The following AGBL1 variants were observed in gnomAD, a reference collection of about 807,000 sequenced individuals.
AGBL1 encodes cytosolic carboxypeptidase 4.
Under a neutral mutation model 118.9 loss-of-function variants are expected in AGBL1, and 130 were observed. That is an observed-to-expected ratio of 1.09 (90% CI 0.95 to 1.26). The LOEUF is 1.26. Ranked by LOEUF, AGBL1 falls within the 50% of genes most tolerant of loss-of-function variation. The pLI, the probability that AGBL1 is intolerant of heterozygous loss-of-function variation, is 0.00. For missense variants in AGBL1, 1,584 were observed against 1,298.1 expected (o/e 1.22, Z -3.38); for synonymous variants, 555 against 478.9 (o/e 1.16, Z -2.08).
intron 4 of AGBL1, among the ~76,000 whole-genome samples, chr15:86,158,483 G>A (rs541883652): frequency 1.3e-5 from 2 of 152,306 alleles, no homozygotes; most frequent in African/African-American, 4.8e-5. Flanking sequence ...CATGAGCAGA[G>A]CTCTACCTAA....
chr15:86,335,147 T>G (rs1182744381), intron 17 of AGBL1, among the ~76,000 whole-genome samples: 1 of 152,034 alleles, frequency 6.6e-6, no homozygotes, highest in African/African-American at 2.4e-5. Context: ...AGTTATTTTT[T>G]TTTTTTTTGA....
At chr15:86,575,528 A>G (rs920600600) in intron 21 of AGBL1, among the ~76,000 whole-genome samples, 1 of 152,166 alleles carries the variant, frequency 6.6e-6, no homozygotes, top group African/African-American at 2.4e-5. Context: ...ATAAATAAAA[A>G]TTTGAAAATA....
chr15:86,475,649 G>A (rs113295036), intron 18 of AGBL1, among the ~76,000 whole-genome samples: 6 of 152,070 alleles, frequency 3.9e-5, no homozygotes, highest in South Asian at 2.1e-4. Context: ...GAAAACACTC[G>A]GCAGGATATT....
intron 18 of AGBL1, among the ~76,000 whole-genome samples, chr15:86,518,719 C>T (rs1235138787): frequency 6.6e-6 from 1 of 151,854 alleles, no homozygotes; most frequent in Non-Finnish European, 1.5e-5. Flanking sequence ...TATGAAATTC[C>T]CACCTAAAAA....
Position 86,613,118 on chromosome 15 carries a change from G to A in AGBL1, c.2994+58581G>A, listed in dbSNP as rs1168076537. ...TGTTCTCAGGACCACCTGAGGCTGT[G>A]TTACAGGCCATGGTTCTTAACCGTG... On this transcript the variant is annotated intron_variant, in intron 21 of 22. Transcript: ENST00000614907. The surrounding 1 kb of genome is among the most constrained non-coding windows in gnomAD (Gnocchi z 4.2). Among the ~76,000 whole-genome samples, 1 of 152,218 alleles carries A rather than the reference G, an allele frequency of 6.6e-6. No homozygotes were observed. Among genetic ancestry groups the A allele is most frequent in the Non-Finnish European group, 1.5e-5 (1 of 68,038 alleles).
At chr15:86,832,395 C>T (rs1467202635) in intron 22 of AGBL1, among the ~76,000 whole-genome samples, 2 of 152,144 alleles carry the variant, frequency 1.3e-5, no homozygotes, top group Admixed American at 1.3e-4. Context: ...ACATAAGTTC[C>T]AATTCCAACC....
Position 86,520,382 on chromosome 15 carries a change from C to A in AGBL1, c.2556-2428C>A, listed in dbSNP as rs117961542. Among the ~76,000 whole-genome samples, 5 of 152,294 alleles carry A rather than the reference C, an allele frequency of 3.3e-5. No homozygotes were observed. The East Asian group carries it at 9.6e-4, about 29-fold the overall frequency. ...TATTTCACACATGAGAATGTTGACT[C>A]TCAAAGAGGTCTCAAATCCTATATC... On this transcript the variant is annotated intron_variant, in intron 18 of 22. Coordinates refer to ENST00000614907, the MANE Select transcript of AGBL1 (RefSeq NM_001386094.1).
chr15:86,441,366 C>CA (rs1046824527), intron 18 of AGBL1, among the ~76,000 whole-genome samples: 6 of 151,800 alleles, frequency 4.0e-5, no homozygotes, highest in Admixed American at 1.3e-4. Context: ...CTATGGAAAA[C>CA]AAAAAAAATT....
intron 17 of AGBL1, among the ~76,000 whole-genome samples, chr15:86,334,620 A>G (rs1423483434): frequency 6.6e-6 from 1 of 151,916 alleles, no homozygotes; most frequent in East Asian, 1.9e-4. Context: ...TTCCTATCAA[A>G]CTACTAATGT....
At chr15:86,316,510 C>T (rs757197268) in intron 17 of AGBL1, among the ~76,000 whole-genome samples, 4 of 152,172 alleles carry the variant, frequency 2.6e-5, no homozygotes, top group Non-Finnish European at 5.9e-5. Flanking sequence ...ATTTGAACAT[C>T]TGTCTCCTCC....
chr15:86,956,556 G>A (rs1027531504), intron 23 of AGBL1, among the ~76,000 whole-genome samples: 1 of 152,118 alleles, frequency 6.6e-6, no homozygotes. Flanking sequence ...TTCCTTCTTT[G>A]GGAAACATCT....
chr15:86,717,901 A>T (rs2086661643), intron 22 of AGBL1, among the ~76,000 whole-genome samples: 1 of 152,224 alleles, frequency 6.6e-6, no homozygotes, highest in South Asian at 2.1e-4. Flanking sequence ...AACATGGTGA[A>T]ACCCCGTCTC....
At chr15:86,101,410 T>C (rs910737293) in intron 1 of AGBL1, among the ~76,000 whole-genome samples, 1 of 152,050 alleles carries the variant, frequency 6.6e-6, no homozygotes, top group Non-Finnish European at 1.5e-5. Flanking sequence ...AATGGTTTTT[T>C]TTTTTGTTGT....
chr15:86,855,256 AC>A (rs2079461595), intron 22 of AGBL1, among the ~76,000 whole-genome samples: 1 of 152,262 alleles, frequency 6.6e-6, no homozygotes, highest in Non-Finnish European at 1.5e-5. Flanking sequence ...TATGTGTGAA[AC>A]ACAGGGGGAG....
chr15:86,625,216 G>T (rs1468426626), intron 21 of AGBL1, among the ~76,000 whole-genome samples: 1 of 152,078 alleles, frequency 6.6e-6, no homozygotes, highest in Non-Finnish European at 1.5e-5. Flanking sequence ...CCACAGAGAT[G>T]GGCCTCAGTT....
intron 24 of AGBL1, among the ~76,000 whole-genome samples, chr15:87,018,766 A>G (rs1250019108): frequency 1.3e-5 from 2 of 152,196 alleles, no homozygotes; most frequent in East Asian, 3.9e-4. Flanking sequence ...AAACTCACAT[A>G]TAACAATACA....
In AGBL1 at chr15:87,002,493, C is replaced by A. The variant is rs1365953626; in HGVS notation, c.3323+14405C>A. Among the ~76,000 whole-genome samples, 503 of 151,420 alleles carry A rather than the reference C, an allele frequency of 3.3e-3. 2 individuals carry two copies. The highest frequency in any genetic ancestry group is 0.011 in the African/African-American group (458 of 40,944). ...TTTGGTTCCATATGAACTTTAAAGTCGTTTTTTCCAATTCTGTGAAGAAAG... is the reference window on the plus strand; with the variant it reads ...TTTGGTTCCATATGAACTTTAAAGTAGTTTTTTCCAATTCTGTGAAGAAAG... On this transcript the variant is annotated intron_variant, in intron 24 of 24. Transcript: ENST00000441037.
chr15:86,563,122 G>GT (rs1416105566), intron 21 of AGBL1, among the ~76,000 whole-genome samples: 1 of 152,070 alleles, frequency 6.6e-6, no homozygotes, highest in African/African-American at 2.4e-5. Context: ...TTTTTGAAGG[G>GT]TTTTTTGTGT....
chr15:86,903,574 G>T (rs1295152883), intron 22 of AGBL1, among the ~76,000 whole-genome samples: 1 of 152,122 alleles, frequency 6.6e-6, no homozygotes, highest in East Asian at 1.9e-4. Flanking sequence ...TGAAACTTGG[G>T]CATTTTGAGT....
Sources: gnomAD v4.1 joint callset for allele counts (sites outside exome capture counted in the v4.1 genomes callset) on GRCh38, gnomAD v4.1.1 for gene constraint, Gnocchi (gnomAD v3.1) non-coding constraint, MANE v1.5 for transcripts, NCBI Gene and HGNC (gene_info 2026-07-23, HGNC 2026-07-21) for gene names.